The following WDR49 variants were observed in gnomAD, a reference collection of about 807,000 sequenced individuals.
The protein encoded by WDR49 is cilia- and flagella-associated protein 337.
Under a neutral mutation model 119.5 loss-of-function variants are expected in WDR49, and 107 were observed. The observed-to-expected ratio is 0.90, with a 90% CI of 0.77 to 1.05. The LOEUF is 1.05. Ranked by LOEUF, WDR49 falls within the 50% of genes least tolerant of loss-of-function variation. The pLI, the probability that WDR49 is intolerant of heterozygous loss-of-function variation, is 0.00. For synonymous variants in WDR49, 425 were observed against 418.8 expected (o/e 1.01, Z -0.18); for missense variants, 1,240 against 1,220.5 (o/e 1.02, Z -0.24).
intron 10 of WDR49, among the ~76,000 whole-genome samples, chr3:167,546,336 GA>G (rs747736289): frequency 2.6e-5 from 4 of 151,892 alleles, no homozygotes; most frequent in Non-Finnish European, 4.4e-5. Flanking sequence ...AACCTAACCT[GA>G]AACTTTCATT....
At position 167,541,704 on chromosome 3, in the gene WDR49, A is replaced by G. The variant is rs568996486; in HGVS notation, c.1824-4704T>C. Among the ~76,000 whole-genome samples the G allele has an allele frequency of 1.9e-3, 292 of 152,266 alleles. 1 individual carries two copies. Among genetic ancestry groups the G allele is most frequent in the Non-Finnish European group, 3.5e-3 (237 of 68,000 alleles). On this transcript the variant is annotated intron_variant, in intron 10 of 18. Transcript: ENST00000682715. ...AAATAAAACAGTACCTCACGTCTCA[A>G]TACTAACATTGAATGTAAAAGGCCT...
intron 18 of WDR49, among the ~76,000 whole-genome samples, chr3:167,495,631 G>C (rs1007370930): frequency 2.6e-5 from 4 of 151,316 alleles, no homozygotes; most frequent in Non-Finnish European, 1.5e-5. Context: ...AACATAATTT[G>C]AAAAAAGATA....
intron 2 of WDR49, among the ~76,000 whole-genome samples, chr3:167,647,882 T>A (rs1219772233): frequency 6.6e-6 from 1 of 152,226 alleles, no homozygotes; most frequent in Non-Finnish European, 1.5e-5. Context: ...TCTACCTTGA[T>A]TTCATTGTAG....
intron 2 of WDR49, among the ~76,000 whole-genome samples, chr3:167,637,626 C>T (rs748276805): frequency 1.3e-5 from 2 of 151,812 alleles, no homozygotes; most frequent in African/African-American, 4.8e-5. Context: ...CATCCATGAG[C>T]ATGGGATGTG....
At chr3:167,529,860 T>C (rs973683088) in intron 13 of WDR49, among the ~76,000 whole-genome samples, 1 of 152,156 alleles carries the variant, frequency 6.6e-6, no homozygotes, top group African/African-American at 2.4e-5. Context: ...TGAAGCACTT[T>C]ACCTAAGTTA....
chr3:167,613,317 G>T (rs989497952), intron 5 of WDR49, among the ~76,000 whole-genome samples: 1 of 152,138 alleles, frequency 6.6e-6, no homozygotes, highest in African/African-American at 2.4e-5. Flanking sequence ...TTTTCAAAAT[G>T]CCAGGTAGGC....
In WDR49 at chr3:167,576,026, C is replaced by T. The variant is rs774145869; in HGVS notation, c.1401G>A (p.Ser467=). The T allele has an allele frequency of 4.5e-5, 72 of 1,613,964 alleles. No homozygotes were observed. Among genetic ancestry groups the T allele is most frequent in the Admixed American group, 1.3e-4 (8 of 60,004 alleles). ...FDEAHGRLFI[S]FNNQLALLAM... ...CCAACAATGCTAGCTGGTTATTAAA[C>T]GAGATGAAAAGTCGTCCATGGGCTT... Residue 467 remains serine (S), a synonymous_variant, in exon 8 of 19, where the codon TCG becomes TCA. Transcript: ENST00000682715.
intron 2 of WDR49, among the ~76,000 whole-genome samples, chr3:167,647,877 C>T (rs1232885316): frequency 6.6e-6 from 1 of 152,126 alleles, no homozygotes; most frequent in Non-Finnish European, 1.5e-5. Context: ...CTTTCTCTAC[C>T]TTGATTTCAT....
chr3:167,523,763 T>C (rs1209177683), intron 15 of WDR49, among the ~76,000 whole-genome samples: 1 of 152,226 alleles, frequency 6.6e-6, no homozygotes, highest in African/African-American at 2.4e-5. Context: ...CCATGGTTTA[T>C]ATGTGCCACA....
intron 5 of WDR49, among the ~76,000 whole-genome samples, chr3:167,618,064 T>A (rs748658427): frequency 2.0e-5 from 3 of 152,080 alleles, no homozygotes; most frequent in Non-Finnish European, 4.4e-5. Context: ...GATCTATTCA[T>A]GTCTACCTCT....
At chr3:167,532,181 C>A (rs926931122) in intron 12 of WDR49, among the ~76,000 whole-genome samples, 3 of 152,086 alleles carry the variant, frequency 2.0e-5, no homozygotes. Context: ...GATGATCAGT[C>A]CATTCCTAAA....
chr3:167,638,722 T>G (rs1006546325), intron 2 of WDR49, among the ~76,000 whole-genome samples: 15 of 151,768 alleles, frequency 9.9e-5, no homozygotes, highest in Middle Eastern at 3.4e-3. Flanking sequence ...GCGCTCTTTT[T>G]TTCTTGCTTC....
chr3:167,594,940 A>G (rs1418714737), intron 7 of WDR49, among the ~76,000 whole-genome samples: 6 of 150,982 alleles, frequency 4.0e-5, no homozygotes, highest in African/African-American at 1.5e-4. Context: ...CCCTCTTTGC[A>G]GACGACATGA....
At chr3:167,582,031 C>CATGT (rs972287002) in intron 7 of WDR49, among the ~76,000 whole-genome samples, 3 of 142,340 alleles carry the variant, frequency 2.1e-5, no homozygotes, top group African/African-American at 7.7e-5. Context: ...GGCATGCTTC[C>CATGT]GTGTGTGTGT....
intron 11 of WDR49, among the ~76,000 whole-genome samples, 184 bp downstream of exon 11, chr3:167,536,686 C>CATATATAT (rs368084455): frequency 5.3e-5 from 7 of 132,588 alleles, no homozygotes; most frequent in African/African-American, 1.2e-4. Context: ...TCTCAAAATA[C>CATATATAT]ATATATATAT....
chr3:167,629,395 CT>C (rs1717267636), intron 2 of WDR49, among the ~76,000 whole-genome samples: 1 of 152,028 alleles, frequency 6.6e-6, no homozygotes, highest in Non-Finnish European at 1.5e-5. Context: ...AAAAATATTC[CT>C]TTTAAAAGGG....
At chr3:167,637,396 C>A (rs997723735) in intron 2 of WDR49, among the ~76,000 whole-genome samples, 2 of 151,794 alleles carry the variant, frequency 1.3e-5, no homozygotes, top group Non-Finnish European at 2.9e-5. Flanking sequence ...GTGACTATGG[C>A]CTTAAAGTAT....
At chr3:167,495,323 C>G (rs556061271) in intron 18 of WDR49, among the ~76,000 whole-genome samples, 24 of 104,822 alleles carry the variant, frequency 2.3e-4, no homozygotes, top group Non-Finnish European at 3.8e-4. Flanking sequence ...AAAAGAGATT[C>G]AAGTGGCATT....
At chr3:167,523,007 T>A (rs1210681795) in intron 15 of WDR49, among the ~76,000 whole-genome samples, 1 of 152,170 alleles carries the variant, frequency 6.6e-6, no homozygotes, top group Non-Finnish European at 1.5e-5. Flanking sequence ...AGTTCCCCAT[T>A]AACAATCTAT....
Sources: gnomAD v4.1 joint callset for allele counts (sites outside exome capture counted in the v4.1 genomes callset) on GRCh38, gnomAD v4.1.1 for gene constraint, MANE v1.5 for transcripts, NCBI Gene and HGNC (gene_info 2026-07-23, HGNC 2026-07-21) for gene names.